The following SOX13 variants were observed in gnomAD, a reference collection of about 807,000 sequenced individuals.
SOX13 encodes the protein SRY-box transcription factor 13.
In SOX13, 28 loss-of-function variants were observed where a neutral mutation model predicts 71.8. The ratio of observed to expected loss-of-function variants is 0.39; its 90% CI spans 0.29 to 0.53. The LOEUF is 0.53. Ranked by LOEUF, SOX13 falls within the 20% of genes least tolerant of loss-of-function variation. SOX13 has a pLI of 0.70. For missense variants in SOX13, 627 were observed against 810.3 expected, an observed-to-expected ratio of 0.77 and a Z score of 2.75; for synonymous variants, 309 against 317.8, an observed-to-expected ratio of 0.97 and a Z score of 0.29.
At chr1:204,079,836 A>G (rs1655865385) in intron 1 of SOX13, among the ~76,000 whole-genome samples, 1 of 152,212 alleles carries the variant, frequency 6.6e-6, no homozygotes, top group South Asian at 2.1e-4. Flanking sequence ...AGCAGTGGTC[A>G]GACCTCCTAG....
rs879920001 is a variant in SOX13 at position 204,081,140 on chromosome 1, C to T, written c.-2+7429C>T. ...GTTGGTTAGGCTGGTCTCGAACTCC[C>T]GACCTCAGGTGATCCGCCTGCTTTG... On this transcript the variant is annotated intron_variant, in intron 1 of 13. Coordinates refer to ENST00000367204, the MANE Select transcript of SOX13 (RefSeq NM_005686.3). This position sits in a 1 kb window ranked among gnomAD's most constrained non-coding sequence, Gnocchi z 4.3. Among the ~76,000 whole-genome samples, 21 of 151,976 alleles carry T rather than the reference C, an allele frequency of 1.4e-4. No homozygotes were observed. Among genetic ancestry groups the T allele is most frequent in the Admixed American group, 8.5e-4 (13 of 15,250 alleles).
intron 12 of SOX13, among the ~76,000 whole-genome samples, chr1:204,124,366 G>T (rs1024828798): frequency 6.6e-6 from 1 of 152,340 alleles, no homozygotes; most frequent in South Asian, 2.1e-4. Context: ...TGCAAATCAG[G>T]CAGGCCAGAG....
Position 204,113,153 on chromosome 1 carries a change from C to A in SOX13, c.219+19C>A. 2 of 1,510,736 alleles carry A rather than the reference C, an allele frequency of 1.3e-6. No individual in the cohort carries two copies. Among genetic ancestry groups the A allele is most frequent in the South Asian group, 1.3e-5 (1 of 78,992 alleles). The allele number at this position is 1,510,736 out of a possible 1,614,324, so 93.6% of individuals were successfully genotyped here. On this transcript the variant is annotated intron_variant, in intron 2 of 13. Coordinates refer to ENST00000367204, the MANE Select transcript of SOX13 (RefSeq NM_005686.3). ...CTCCTGGGTCAGTGTCCCCGCCCTGCCTCCATCCTCACACCCATGCGCTGT... is the reference window on the plus strand; with the variant it reads ...CTCCTGGGTCAGTGTCCCCGCCCTGACTCCATCCTCACACCCATGCGCTGT...
At chr1:204,101,159 A>G (rs1233990332) in intron 1 of SOX13, among the ~76,000 whole-genome samples, 1 of 152,154 alleles carries the variant, frequency 6.6e-6, no homozygotes. Flanking sequence ...AATGAAATTT[A>G]CTGACTTCTC....
Position 204,123,186 on chromosome 1 carries a change from C to G in SOX13, c.1209C>G (p.Ala403=), listed in dbSNP as rs1306124565. 2 of 1,613,460 alleles carry G rather than the reference C, an allele frequency of 1.2e-6. No individual in the cohort carries two copies. The highest frequency in any genetic ancestry group is 2.2e-5 in the East Asian group (1 of 44,898). The change falls in exon 11 of 14, where the codon GCC becomes GCG. Residue 403 remains alanine, a synonymous_variant. Transcript: ENST00000367204. This position sits in a 1 kb window ranked among gnomAD's most constrained non-coding sequence, Gnocchi z 5.0. ...EDGCVHPLEE[A]MLSCDMDGSR... is the part of the protein sequence containing the mutation. ...GCTGTGTGCACCCACTGGAGGAAGCCATGCTGAGCTGCGACATGGATGGTG... is the reference window on the plus strand; with the variant it reads ...GCTGTGTGCACCCACTGGAGGAAGCGATGCTGAGCTGCGACATGGATGGTG...
chr1:204,104,964 T>C (rs1656434616), intron 1 of SOX13, among the ~76,000 whole-genome samples: 1 of 152,152 alleles, frequency 6.6e-6, no homozygotes, highest in Non-Finnish European at 1.5e-5. Flanking sequence ...TGGTGATTTG[T>C]TTTGGGCAGA....
rs916241264 is a variant in SOX13, at chr1:204,096,980, C to T, written c.-1-15935C>T. ...AGTCAAGGCCTGAGAAACACTGATA[C>T]GTGCCTCTGCATTGCAGAGCCCCTT... On this transcript the variant is annotated intron_variant, in intron 1 of 13. Coordinates refer to ENST00000367204, the MANE Select transcript of SOX13 (RefSeq NM_005686.3). Among the ~76,000 whole-genome samples the T allele has an allele frequency of 5.9e-5, 9 of 152,152 alleles. No individual in the cohort carries two copies. The East Asian group carries it at 9.6e-4, about 16-fold the overall frequency.
chr1:204,121,197 C>T lies in SOX13; in HGVS notation c.776-703C>T, dbSNP rs553452093. 6.0e-4 allele frequency among the ~76,000 whole-genome samples: 92 copies of T among 152,242 alleles called. 1 individual carries two copies. Among genetic ancestry groups the T allele is most frequent in the African/African-American group, 2.1e-3 (89 of 41,534 alleles). On this transcript the variant is annotated intron_variant, in intron 7 of 13. Coordinates refer to ENST00000367204, the MANE Select transcript of SOX13 (RefSeq NM_005686.3). ...GTTTCACCATGTTGGTCATGCTGGT[C>T]AGGGTGGTCTCGAACTCCTGACCTT...
intron 1 of SOX13, among the ~76,000 whole-genome samples, chr1:204,089,796 C>G (rs2102230597): frequency 6.6e-6 from 1 of 152,330 alleles, no homozygotes; most frequent in African/African-American, 2.4e-5. Flanking sequence ...CATCACTGGT[C>G]CCCATTCCTG....
intron 8 of SOX13, 84 bp downstream of exon 8, chr1:204,122,069 ACTGGTGAGCC>A (rs933735060): frequency 4.5e-6 from 5 of 1,103,762 alleles, no homozygotes; most frequent in East Asian, 2.5e-5. Flanking sequence ...CGGGGTGTGG[ACTGGTGAGCC>A]CTGGCATCCT....
At position 204,126,152 on chromosome 1, in the gene SOX13, T is replaced by C. The variant is rs41306221; in HGVS notation, c.*18T>C. 0.058 allele frequency: 93,672 copies of C among 1,608,916 alleles called. 3,428 individuals are homozygous for C. The highest frequency in any genetic ancestry group is 0.17 in the African/African-American group (12,497 of 74,926). On this transcript the variant is annotated 3_prime_UTR_variant, in exon 14 of 14. Transcript: ENST00000367204. ...CAGACTGATCCCGGCTGGGTGGGCC[T>C]GGCCCCTTCTCCTCTGGGGAAGACC...
intron 1 of SOX13, among the ~76,000 whole-genome samples, chr1:204,095,315 C>G (rs1656231077): frequency 6.6e-6 from 1 of 152,152 alleles, no homozygotes; most frequent in African/African-American, 2.4e-5. Context: ...TCGTCTGGGT[C>G]CCTTGAACTC....
At chr1:204,076,599 A>G (rs1655790392) in intron 1 of SOX13, among the ~76,000 whole-genome samples, 1 of 152,194 alleles carries the variant, frequency 6.6e-6, no homozygotes, top group Non-Finnish European at 1.5e-5. Context: ...AGCACAGGTA[A>G]GGGGCGAGCT....
In SOX13 at chr1:204,124,700, C is replaced by T. The variant is rs1032549344; in HGVS notation, c.1435C>T (p.Arg479Trp). The change falls in exon 13 of 14, where the codon CGG (arginine) becomes TGG (tryptophan). Residue 479 changes from arginine to tryptophan, a missense_variant. Arg to Trp is a moderately radical substitution (Grantham distance 101). Transcript: ENST00000367204. ...EKQPYYEEQA[R>W]LSRQHLEKYP... ...GCAGCCCTACTATGAGGAACAGGCG[C>T]GGCTGAGCCGGCAGCACCTGGAGAA... The T allele has an allele frequency of 6.2e-7, 1 of 1,613,374 alleles. No homozygotes were observed. The highest frequency in any genetic ancestry group is 8.5e-7 in the Non-Finnish European group (1 of 1,179,702).
Position 204,123,559 on chromosome 1 carries a change from A to G in SOX13, c.1232-102A>G, listed in dbSNP as rs1002171729. Reference sequence around the variant, plus strand: ...GGCTGGCTGCTGTGGGAGCCTCCTCAGTGCCTCCTGCTGGTCAAGTAGGGG... The same window carrying G: ...GGCTGGCTGCTGTGGGAGCCTCCTCGGTGCCTCCTGCTGGTCAAGTAGGGG... On this transcript the variant is annotated intron_variant, in intron 11 of 13. Coordinates refer to ENST00000367204, the MANE Select transcript of SOX13 (RefSeq NM_005686.3). The surrounding 1 kb of genome is among the most constrained non-coding windows in gnomAD (Gnocchi z 5.0). 8.6e-5 allele frequency: 112 copies of G among 1,302,456 alleles called. No individual in the cohort carries two copies. Among genetic ancestry groups the G allele is most frequent in the Middle Eastern group, 2.5e-4 (1 of 4,054 alleles). 80.7% of individuals were successfully genotyped at this position (1,302,456 alleles called of 1,614,324 possible).
At chr1:204,101,541 T>C (rs989922074) in intron 1 of SOX13, among the ~76,000 whole-genome samples, 8 of 142,988 alleles carry the variant, frequency 5.6e-5, no homozygotes, top group Non-Finnish European at 1.2e-4. Flanking sequence ...CTTGGAAACA[T>C]ACTGGTTTGG....
At chr1:204,114,466 T>C (rs755280847) in intron 3 of SOX13, 34 bp downstream of exon 3, 8 of 1,605,320 alleles carry the variant, frequency 5.0e-6, no homozygotes, top group Non-Finnish European at 6.8e-6. Context: ...AGCAGAGGCC[T>C]GAGGCAGGGA....
At chr1:204,082,626 G>A (rs936135185) in intron 1 of SOX13, among the ~76,000 whole-genome samples, 4 of 152,192 alleles carry the variant, frequency 2.6e-5, no homozygotes, top group Non-Finnish European at 4.4e-5. Flanking sequence ...GGCTGAGGAA[G>A]AGAAAGGAGA....
intron 1 of SOX13, among the ~76,000 whole-genome samples, chr1:204,112,064 A>G (rs555571873): frequency 1.3e-5 from 2 of 152,308 alleles, no homozygotes; most frequent in South Asian, 4.1e-4. Context: ...AATTTTTACC[A>G]CAAAAACAAT....
Sources: gnomAD v4.1 joint callset for allele counts (sites outside exome capture counted in the v4.1 genomes callset) on GRCh38, gnomAD v4.1.1 for gene constraint, Gnocchi (gnomAD v3.1) non-coding constraint, MANE v1.5 for transcripts, NCBI Gene and HGNC (gene_info 2026-07-23, HGNC 2026-07-21) for gene names.